Variants in FBXO22 observed in about 807,000 individuals in gnomAD.
The protein encoded by FBXO22 is F-box protein 22.
Under a neutral mutation model 37.2 loss-of-function variants are expected in FBXO22, and 13 were observed. The observed-to-expected ratio is 0.35, with a 90% confidence interval of 0.23 to 0.56. FBXO22 has a LOEUF of 0.56. Among genes scored for constraint, FBXO22 ranks in the 20% least tolerant of loss-of-function variants. The pLI, the probability that FBXO22 is intolerant of heterozygous loss-of-function variation, is 0.87. For synonymous variants in FBXO22, 189 were observed against 189.1 expected (o/e 1.00, Z 0.00); for missense variants, 446 against 509.9 (o/e 0.87, Z 1.21).
intron 4 of FBXO22, among the ~76,000 whole-genome samples, chr15:75,915,931 C>T (rs1356494269): frequency 1.3e-5 from 2 of 149,732 alleles, no homozygotes; most frequent in Non-Finnish European, 3.0e-5. Context: ...ATTAGCTGGG[C>T]ATGGTGGCTC....
chr15:75,919,243 A>G (rs1370819583), intron 5 of FBXO22, among the ~76,000 whole-genome samples: 3 of 152,254 alleles, frequency 2.0e-5, no homozygotes, highest in South Asian at 2.1e-4. Context: ...AAGTGCTGGG[A>G]TTACAGGTGT....
rs1345051045 is a variant in FBXO22 at position 75,938,823 on chromosome 15, A to G, written c.*5721A>G. 6.6e-6 allele frequency: 1 copy of G among 152,192 alleles called. No individual in the cohort carries two copies. The highest frequency in any genetic ancestry group is 1.5e-5 in the Non-Finnish European group (1 of 68,024). 9.4% of individuals were successfully genotyped at this position (152,192 alleles called of 1,614,324 possible). Reference sequence around the variant, plus strand: ...CAGGATGTAGTTAGAAATCAGTAACAAAAGGAAAATTGGAAAATTCACAAA... The same window carrying G: ...CAGGATGTAGTTAGAAATCAGTAACGAAAGGAAAATTGGAAAATTCACAAA... On this transcript the variant is annotated 3_prime_UTR_variant, in exon 7 of 7. Transcript: ENST00000308275.
chr15:75,912,498 A>G (rs1221036321), intron 2 of FBXO22, among the ~76,000 whole-genome samples: 3 of 151,934 alleles, frequency 2.0e-5, no homozygotes, highest in Non-Finnish European at 4.4e-5. Context: ...TTAGTGTTGG[A>G]AGGGGGTATG....
At chr15:75,904,841 T>TG (rs1899887462) in intron 2 of FBXO22, among the ~76,000 whole-genome samples, 1 of 148,722 alleles carries the variant, frequency 6.7e-6, no homozygotes, top group African/African-American at 2.5e-5. Flanking sequence ...TTTTTTTTTT[T>TG]GAGACGTAGT....
rs542585579 is a variant in FBXO22 at position 75,936,982 on chromosome 15, A to G, written c.*3880A>G. On this transcript the variant is annotated 3_prime_UTR_variant, in exon 7 of 7. Transcript: ENST00000308275. ...AATTTAGAAGAAATTGAAAGAAAAT[A>G]TATTTATTAATGTTGCTTTTAAATG... 1 of 152,336 alleles carries G rather than the reference A, an allele frequency of 6.6e-6. No homozygotes were observed. Among genetic ancestry groups the G allele is most frequent in the East Asian group, 1.9e-4 (1 of 5,190 alleles). The allele number at this position is 152,336 out of a possible 1,614,324, so 9.4% of individuals were successfully genotyped here.
chr15:75,904,246 C>A, intron 1 of FBXO22, 143 bp downstream of exon 1: 1 of 1,244,830 alleles, frequency 8.0e-7, no homozygotes, highest in East Asian at 2.6e-5. Context: ...GACCCCCTAC[C>A]CGCGAGGTAT....
rs191932514 is a variant in FBXO22, at chr15:75,927,128, G to A, written c.629-2756G>A. Among the ~76,000 whole-genome samples the A allele has an allele frequency of 2.4e-3, 369 of 152,256 alleles. 2 individuals are homozygous for A. Among genetic ancestry groups the A allele is most frequent in the African/African-American group, 8.4e-3 (351 of 41,556 alleles). ...CTGGTCGGGGGGAGGGGTGTGAGGCGGTAGGTCTGGCTAATGTATAATGCT... is the reference window on the plus strand; with the variant it reads ...CTGGTCGGGGGGAGGGGTGTGAGGCAGTAGGTCTGGCTAATGTATAATGCT... On this transcript the variant is annotated intron_variant, in intron 5 of 6. Transcript: ENST00000308275.
chr15:75,926,805 A>G (rs1396018604), intron 5 of FBXO22, among the ~76,000 whole-genome samples: 4 of 152,224 alleles, frequency 2.6e-5, no homozygotes, highest in Middle Eastern at 3.2e-3. Flanking sequence ...CAGTAAATCT[A>G]CACTTTACAT....
chr15:75,938,440 T>C lies in FBXO22; in HGVS notation c.*5338T>C, dbSNP rs2030594394. On this transcript the variant is annotated 3_prime_UTR_variant, in exon 7 of 7. Coordinates refer to ENST00000308275, the MANE Select transcript of FBXO22 (RefSeq NM_147188.3). Reference sequence around the variant, plus strand: ...TAATGCGCATTCAAAAGATCAAAATTAATTGACCTTGTCCTAATGAAGGAC... The same window carrying C: ...TAATGCGCATTCAAAAGATCAAAATCAATTGACCTTGTCCTAATGAAGGAC... The C allele has an allele frequency of 6.6e-6, 1 of 152,068 alleles. No individual in the cohort carries two copies. The highest frequency in any genetic ancestry group is 2.1e-4 in the South Asian group (1 of 4,834). The allele number at this position is 152,068 out of a possible 1,614,324, so 9.4% of individuals were successfully genotyped here.
intron 5 of FBXO22, among the ~76,000 whole-genome samples, chr15:75,920,099 T>C (rs1262142863): frequency 6.6e-6 from 1 of 152,178 alleles, no homozygotes; most frequent in Non-Finnish European, 1.5e-5. Context: ...AACTGACCCA[T>C]TGTTAAGTGT....
intron 4 of FBXO22, 62 bp from the exon 5 acceptor site, chr15:75,917,168 T>TA: frequency 8.0e-7 from 1 of 1,248,166 alleles, no homozygotes; most frequent in Non-Finnish European, 1.1e-6. Flanking sequence ...CTTAGTGACC[T>TA]AAACTGTAGT....
At position 75,939,935 on chromosome 15, in the gene FBXO22, TG is replaced by T. The variant is rs2141743235; in HGVS notation, c.*6834del. The T allele has an allele frequency of 6.6e-6, 1 of 152,100 alleles. No homozygotes were observed. The highest frequency in any genetic ancestry group is 1.9e-4 in the East Asian group (1 of 5,176). The allele number at this position is 152,100 out of a possible 1,614,324, so 9.4% of individuals were successfully genotyped here. On this transcript the variant is annotated 3_prime_UTR_variant, in exon 7 of 7. Coordinates refer to ENST00000308275, the MANE Select transcript of FBXO22 (RefSeq NM_147188.3). ...CCACGGTAGACACCATACTTAGTGG[TG>T]AAAGCTTTTCCTCTAAGATCAAGAC...
chr15:75,909,736 A>G (rs920443176), intron 2 of FBXO22, among the ~76,000 whole-genome samples: 2 of 151,792 alleles, frequency 1.3e-5, no homozygotes, highest in South Asian at 4.2e-4. Context: ...CATTGACCTG[A>G]AAGAAGGTAG....
chr15:75,904,342 C>T (rs1899871346), intron 1 of FBXO22, 149 bp from the exon 2 acceptor site: 2 of 1,249,128 alleles, frequency 1.6e-6, no homozygotes, highest in African/African-American at 1.5e-5. Flanking sequence ...TTCTTCCGAA[C>T]TAGCGCCCTG....
intron 4 of FBXO22, among the ~76,000 whole-genome samples, chr15:75,914,616 T>G (rs766349889): frequency 1.5e-4 from 23 of 152,204 alleles, no homozygotes; most frequent in Admixed American, 1.2e-3. Flanking sequence ...CACTCTTCAA[T>G]GTTTACAGCA....
Position 75,913,124 on chromosome 15 carries a change from G to T in FBXO22, c.280-79G>T, listed in dbSNP as rs889405235. 48 of 884,360 alleles carry T rather than the reference G, an allele frequency of 5.4e-5. 1 individual carries two copies. In the South Asian group the frequency reaches 6.8e-4, roughly 13 times the overall value. The allele number at this position is 884,360 out of a possible 1,614,324, so 54.8% of individuals were successfully genotyped here. On this transcript the variant is annotated intron_variant, in intron 2 of 6. Coordinates refer to ENST00000308275, the MANE Select transcript of FBXO22 (RefSeq NM_147188.3). ...TTCTAATTTGATTGCACTATGGACT[G>T]GGTGATACTTCAAGGGACTATGCAG...
At chr15:75,929,279 C>T (rs1017135936) in intron 5 of FBXO22, among the ~76,000 whole-genome samples, 14 of 150,162 alleles carry the variant, frequency 9.3e-5, no homozygotes, top group African/African-American at 3.4e-4. Flanking sequence ...TCTTAAGATC[C>T]TTACTAACAT....
Position 75,942,368 on chromosome 15 carries a change from T to G in FBXO22, c.*9266T>G, listed in dbSNP as rs1391127347. On this transcript the variant is annotated 3_prime_UTR_variant, in exon 7 of 7. Coordinates refer to ENST00000308275, the MANE Select transcript of FBXO22 (RefSeq NM_147188.3). ...TCTCAAAAAGTAAAGTAAAAATGTG[T>G]CAATATTGGTTAAACAAATATACCA... 3.3e-5 allele frequency: 5 copies of G among 151,782 alleles called. No individual in the cohort carries two copies. The highest frequency in any genetic ancestry group is 1.2e-4 in the African/African-American group (5 of 41,288). The allele number at this position is 151,782 out of a possible 1,614,324, so 9.4% of individuals were successfully genotyped here.
chr15:75,913,225 C>T lies in FBXO22; in HGVS notation c.302C>T (p.Thr101Ile), dbSNP rs149330812. Residue 101 changes from threonine to isoleucine, a missense_variant, in exon 3 of 7, where the codon ACA (threonine) becomes ATA (isoleucine). This residue lies in a region of FBXO22 where 315 missense variants were observed against 410.1 expected (regional missense o/e 0.77). Coordinates refer to ENST00000308275, the MANE Select transcript of FBXO22 (RefSeq NM_147188.3). ...CAGAATGTTCGCATCTTACCACATACAGTTCTTTACATGGCTGATTCAGAA... is the reference window on the plus strand; with the variant it reads ...CAGAATGTTCGCATCTTACCACATATAGTTCTTTACATGGCTGATTCAGAA... ...ELENVRILPH[T>I]VLYMADSETF... is the part of the protein sequence containing the mutation. 5,812 of 1,608,688 alleles carry T rather than the reference C, an allele frequency of 3.6e-3. 17 individuals carry two copies. Among genetic ancestry groups the T allele is most frequent in the Non-Finnish European group, 4.4e-3 (5,165 of 1,178,118 alleles).
Sources: allele counts gnomAD v4.1 joint callset (sites outside exome capture counted in the v4.1 genomes callset), GRCh38; gene constraint gnomAD v4.1.1; regional missense constraint gnomAD v4.1.1; transcripts MANE v1.5; gene names NCBI Gene and HGNC (gene_info 2026-07-23, HGNC 2026-07-21).